Variants in PLCL2 observed in about 807,000 individuals in gnomAD.
PLCL2 encodes inactive phospholipase C-like protein 2.
A neutral mutation model predicts 79.6 loss-of-function variants in PLCL2; 4 were observed. The ratio of observed to expected loss-of-function variants is 0.05; its 90% CI spans 0.02 to 0.11. The LOEUF is 0.11. PLCL2 is among the 10% of genes least tolerant of loss of function. The pLI is 1.00. For synonymous variants in PLCL2, 484 were observed against 457.7 expected (o/e 1.06, Z -0.73); for missense variants, 895 against 1,291.0 (o/e 0.69, Z 4.70).
At chr3:17,052,236 C>CAAA (rs35316797) in intron 4 of PLCL2, among the ~76,000 whole-genome samples, 1,006 of 97,238 alleles carry the variant, frequency 0.01, 16 homozygotes, top group African/African-American at 0.034. Flanking sequence ...GTGAATATGG[C>CAAA]AAAAAAAAAA....
intron 1 of PLCL2, among the ~76,000 whole-genome samples, chr3:16,921,192 A>G (rs575111910): frequency 6.6e-6 from 1 of 152,242 alleles, no homozygotes; most frequent in Admixed American, 6.5e-5. Flanking sequence ...AGAGCTAGTC[A>G]GATATTTTAG....
chr3:17,051,827 G>A lies in PLCL2; in HGVS notation c.3094+8878G>A, dbSNP rs561699872. 2.0e-5 allele frequency among the ~76,000 whole-genome samples: 3 copies of A among 152,314 alleles called. No individual in the cohort carries two copies. The South Asian group carries it at 6.2e-4, about 32-fold the overall frequency. ...CCTGAAGTCAGGAAGTACCTTGCCA[G>A]TAAGGGAATGCCTTTTAATTTTCTT... On this transcript the variant is annotated intron_variant, in intron 4 of 5. Coordinates refer to ENST00000615277, the MANE Select transcript of PLCL2 (RefSeq NM_001144382.2).
intron 3 of PLCL2, among the ~76,000 whole-genome samples, chr3:17,033,882 T>TGTGTCACTGCAAAATTTTTTA (rs1477289402): frequency 6.6e-6 from 1 of 152,204 alleles, no homozygotes; most frequent in Non-Finnish European, 1.5e-5. Context: ...TCTTTTTTTA[T>TGTGTCACTGCAAAATTTTTTA]GTGTCACTGC....
chr3:17,001,251 C>CT (rs905593468), intron 1 of PLCL2, among the ~76,000 whole-genome samples: 32 of 151,456 alleles, frequency 2.1e-4, no homozygotes, highest in African/African-American at 3.1e-4. Flanking sequence ...TTTTTAATTG[C>CT]TTTTTTTTGC....
intron 4 of PLCL2, among the ~76,000 whole-genome samples, chr3:17,062,728 A>C (rs2064964888): frequency 1.3e-5 from 2 of 152,236 alleles, no homozygotes; most frequent in Admixed American, 6.5e-5. Flanking sequence ...TTTAGGATAC[A>C]AATGTGTTGG....
chr3:16,905,302 T>A (rs1019308015), intron 1 of PLCL2, among the ~76,000 whole-genome samples: 2 of 152,200 alleles, frequency 1.3e-5, no homozygotes, highest in Admixed American at 6.5e-5. Context: ...CAGAGTGGTC[T>A]GTGATTCCCC....
At chr3:16,953,796 T>C (rs1400814651) in intron 1 of PLCL2, among the ~76,000 whole-genome samples, 1 of 152,090 alleles carries the variant, frequency 6.6e-6, no homozygotes, top group Non-Finnish European at 1.5e-5. Flanking sequence ...ATAGAACTTG[T>C]TTGCACCATT....
At position 17,011,395 on chromosome 3, in the gene PLCL2, T is replaced by C; in HGVS notation, c.2049T>C (p.Asp683=). The C allele has an allele frequency of 6.2e-7, 1 of 1,614,198 alleles. No homozygotes were observed. The highest frequency in any genetic ancestry group is 8.5e-7 in the Non-Finnish European group (1 of 1,180,042). The part of the protein sequence containing the change: ...ARVFPSPMRI[D]SSNMNPQDFW... The stretch of plus-strand genomic sequence containing the variant: ...TTTTTCCCAGTCCAATGAGAATTGA[T>C]TCCAGTAACATGAATCCTCAAGATT... Residue 683 remains aspartate, a synonymous_variant, in exon 2 of 6, where the codon GAT becomes GAC. Transcript: ENST00000615277. This position sits in a 1 kb window ranked among gnomAD's most constrained non-coding sequence, Gnocchi z 7.9.
chr3:16,890,339 G>C (rs1392557211), intron 1 of PLCL2, among the ~76,000 whole-genome samples: 4 of 152,132 alleles, frequency 2.6e-5, no homozygotes, highest in African/African-American at 9.7e-5. Context: ...TTGGCCACAA[G>C]TTATTTTCTT....
At chr3:16,956,031 G>C (rs1040581952) in intron 1 of PLCL2, among the ~76,000 whole-genome samples, 6 of 152,142 alleles carry the variant, frequency 3.9e-5, no homozygotes, top group African/African-American at 1.4e-4. Flanking sequence ...TCCTTCTCCT[G>C]CCTAATTGCC....
At chr3:17,016,143 G>A (rs2064380966) in intron 3 of PLCL2, among the ~76,000 whole-genome samples, 2 of 152,172 alleles carry the variant, frequency 1.3e-5, no homozygotes, top group Non-Finnish European at 2.9e-5. Flanking sequence ...AGTATTTCCA[G>A]TTTCACAAAT....
In PLCL2 at chr3:16,979,704, C is replaced by G. The variant is rs1385018524; in HGVS notation, c.328-29970C>G. Among the ~76,000 whole-genome samples, 7 of 146,358 alleles carry G rather than the reference C, an allele frequency of 4.8e-5. No individual in the cohort carries two copies. The East Asian group carries it at 1.4e-3, about 29-fold the overall frequency. ...CAAGGCAGAAGAATTTTTCTTAGTA[C>G]AGAACAAAATGAAAAGTCTCCCATG... is the stretch of plus-strand genomic sequence containing the variant. On this transcript the variant is annotated intron_variant, in intron 1 of 5. Transcript: ENST00000615277.
intron 4 of PLCL2, among the ~76,000 whole-genome samples, chr3:17,060,145 G>C (rs2064936092): frequency 6.6e-6 from 1 of 152,064 alleles, no homozygotes; most frequent in Non-Finnish European, 1.5e-5. Context: ...TGTTTAGAAT[G>C]GTGGCATGGT....
chr3:16,982,775 G>A (rs760137277), intron 1 of PLCL2, among the ~76,000 whole-genome samples: 7 of 151,782 alleles, frequency 4.6e-5, no homozygotes, highest in Non-Finnish European at 8.8e-5. Flanking sequence ...CTACAGCTAC[G>A]TATTTTCTTA....
chr3:16,962,688 T>C (rs1457805406), intron 1 of PLCL2, among the ~76,000 whole-genome samples: 1 of 152,084 alleles, frequency 6.6e-6, no homozygotes, highest in Non-Finnish European at 1.5e-5. Context: ...ACAACTGCTT[T>C]GAAAAATAAA....
At chr3:16,919,321 C>T (rs1040569092) in intron 1 of PLCL2, among the ~76,000 whole-genome samples, 9 of 152,074 alleles carry the variant, frequency 5.9e-5, no homozygotes, top group African/African-American at 2.2e-4. Context: ...AATTTATTAG[C>T]ATAATGTTCA....
chr3:17,058,376 A>G (rs1027845205), intron 4 of PLCL2, among the ~76,000 whole-genome samples: 2 of 152,210 alleles, frequency 1.3e-5, no homozygotes, highest in African/African-American at 4.8e-5. Context: ...AGAATTTCGT[A>G]TGGCAAAAAC....
chr3:17,041,101 C>G (rs558101964), intron 3 of PLCL2, among the ~76,000 whole-genome samples: 2 of 152,124 alleles, frequency 1.3e-5, no homozygotes, highest in East Asian at 3.9e-4. Context: ...TTTCAATATG[C>G]AAATTATGTA....
chr3:16,928,496 A>G (rs1197177697), intron 1 of PLCL2, among the ~76,000 whole-genome samples: 2 of 152,192 alleles, frequency 1.3e-5, no homozygotes, highest in Admixed American at 6.5e-5. Flanking sequence ...GAGGAAGAGC[A>G]GCCCCAGATA....
Sources: gnomAD v4.1 joint callset for allele counts (sites outside exome capture counted in the v4.1 genomes callset) on GRCh38, gnomAD v4.1.1 for gene constraint, Gnocchi (gnomAD v3.1) non-coding constraint, MANE v1.5 for transcripts, NCBI Gene and HGNC (gene_info 2026-07-23, HGNC 2026-07-21) for gene names.